OIP5: variants seen among roughly 807,000 people sequenced by gnomAD.
The protein encoded by OIP5 is Opa interacting protein 5, also known as protein Mis18-beta.
Under a neutral mutation model 20.3 loss-of-function variants are expected in OIP5, and 24 were observed. The observed-to-expected ratio is 1.18, with a 90% CI of 0.86 to 1.66. OIP5 has a LOEUF of 1.66. Ranked by LOEUF, OIP5 falls within the 40% of genes most tolerant of loss-of-function variation. The probability of loss-of-function intolerance (pLI) is 0.00; values close to 1 mark genes in which losing one functional copy is unlikely to be tolerated. For synonymous variants in OIP5, 143 were observed against 121.3 expected, an observed-to-expected ratio of 1.18 and a Z score of -1.17; for missense variants, 339 against 289.5, an observed-to-expected ratio of 1.17 and a Z score of -1.24.
At chr15:41,321,280 G>A (rs1341442046) in intron 2 of OIP5, among the ~76,000 whole-genome samples, 6 of 145,630 alleles carry the variant, frequency 4.1e-5, no homozygotes, top group Non-Finnish European at 9.1e-5. Flanking sequence ...CCGGCCAGCC[G>A]TCCCGTCCTG....
chr15:41,315,301 G>A (rs541172068), intron 3 of OIP5, among the ~76,000 whole-genome samples: 20 of 151,342 alleles, frequency 1.3e-4, no homozygotes, highest in African/African-American at 2.2e-4. Context: ...GTGGTGGAGC[G>A]CACCTGTGGT....
chr15:41,318,077 G>A (rs912848813), intron 3 of OIP5, among the ~76,000 whole-genome samples: 6 of 152,174 alleles, frequency 3.9e-5, no homozygotes, highest in Admixed American at 1.3e-4. Flanking sequence ...TAGAGGGAGA[G>A]AGAGGCTGGG....
At chr15:41,310,996 C>T (rs747210060) in intron 4 of OIP5, among the ~76,000 whole-genome samples, 4 of 152,172 alleles carry the variant, frequency 2.6e-5, no homozygotes, top group African/African-American at 7.2e-5. Context: ...AATCTCCATT[C>T]GCCCCTCCCA....
At chr15:41,325,246 T>C (rs538514896) in intron 2 of OIP5, among the ~76,000 whole-genome samples, 13 of 151,326 alleles carry the variant, frequency 8.6e-5, no homozygotes, top group African/African-American at 3.2e-4. Flanking sequence ...CTACTAAAAC[T>C]ACAAAAAAAT....
chr15:41,321,918 A>G (rs1365296566), intron 2 of OIP5, among the ~76,000 whole-genome samples: 1 of 128,196 alleles, frequency 7.8e-6, no homozygotes, highest in African/African-American at 3.6e-5. Context: ...AAGAATGATC[A>G]ATAAAAAAAT....
At chr15:41,315,833 C>G (rs2140459975) in intron 3 of OIP5, among the ~76,000 whole-genome samples, 1 of 152,154 alleles carries the variant, frequency 6.6e-6, no homozygotes, top group African/African-American at 2.4e-5. Flanking sequence ...AAAGTTAATT[C>G]TAAATAGAAA....
At chr15:41,316,020 C>A (rs555630246) in intron 3 of OIP5, among the ~76,000 whole-genome samples, 2 of 151,786 alleles carry the variant, frequency 1.3e-5, no homozygotes, top group African/African-American at 4.8e-5. Flanking sequence ...CCCAGCTACT[C>A]GGGAGGCTGA....
chr15:41,325,615 C>T (rs904096160), intron 2 of OIP5, among the ~76,000 whole-genome samples: 1 of 151,180 alleles, frequency 6.6e-6, no homozygotes, highest in African/African-American at 2.4e-5. Flanking sequence ...CTATGGGAAG[C>T]CAAGGCAGGT....
chr15:41,315,169 C>T (rs576228288), intron 3 of OIP5, among the ~76,000 whole-genome samples: 3 of 151,220 alleles, frequency 2.0e-5, no homozygotes, highest in African/African-American at 4.8e-5. Context: ...GTGGCTTATG[C>T]GTGTAATCCC....
At chr15:41,324,930 T>A (rs937260513) in intron 2 of OIP5, among the ~76,000 whole-genome samples, 1 of 152,078 alleles carries the variant, frequency 6.6e-6, no homozygotes, top group Admixed American at 6.6e-5. Context: ...CATTGTTGGG[T>A]TATTAATTGG....
chr15:41,332,481 C>T lies in OIP5; in HGVS notation c.81G>A (p.Ala27=), dbSNP rs757024698. ...RGDFCGGTER[A]IDQASFTTSM... is the part of the protein sequence containing the mutation. The stretch of plus-strand genomic sequence containing the variant: ...AGGTCGTAAAAGAAGCTTGGTCAAT[C>T]GCCCTCTCAGTGCCACCACAAAAGT... Residue 27 remains alanine (A), a synonymous_variant, in exon 1 of 5, where the codon GCG becomes GCA. Transcript: ENST00000220514. The T allele has an allele frequency of 6.8e-6, 11 of 1,614,094 alleles. No individual in the cohort carries two copies. The highest frequency in any genetic ancestry group is 1.3e-5 in the African/African-American group (1 of 75,064).
At chr15:41,326,656 C>A (rs973111223) in intron 2 of OIP5, among the ~76,000 whole-genome samples, 1 of 152,224 alleles carries the variant, frequency 6.6e-6, no homozygotes, top group Non-Finnish European at 1.5e-5. Context: ...GAACTCCTGA[C>A]CTCAGGTGAT....
intron 2 of OIP5, among the ~76,000 whole-genome samples, chr15:41,328,875 T>G (rs971977365): frequency 6.6e-6 from 1 of 151,816 alleles, no homozygotes; most frequent in African/African-American, 2.4e-5. Flanking sequence ...ATGGCCAACA[T>G]GGTGAAACCC....
rs79685458 is a variant in OIP5 at position 41,327,138 on chromosome 15, G to A, written c.389+4777C>T. 9.8e-3 allele frequency among the ~76,000 whole-genome samples: 1,481 copies of A among 150,842 alleles called. 13 individuals are homozygous for A. Among genetic ancestry groups the A allele is most frequent in the Non-Finnish European group, 0.015 (1,033 of 67,782 alleles). On this transcript the variant is annotated intron_variant, in intron 2 of 4. Coordinates refer to ENST00000220514, the MANE Select transcript of OIP5 (RefSeq NM_007280.2). ...AATTGTCAAAATATTAATAACTGTT[G>A]AAACTGGGTACCTGGGGCTTATTAT...
At chr15:41,324,670 G>A (rs1419256081) in intron 2 of OIP5, among the ~76,000 whole-genome samples, 3 of 152,030 alleles carry the variant, frequency 2.0e-5, no homozygotes, top group African/African-American at 7.2e-5. Flanking sequence ...TGTATTTTTA[G>A]TAGAGATGGG....
chr15:41,324,673 G>A (rs2047850731), intron 2 of OIP5, among the ~76,000 whole-genome samples: 1 of 152,020 alleles, frequency 6.6e-6, no homozygotes, highest in Non-Finnish European at 1.5e-5. Flanking sequence ...ATTTTTAGTA[G>A]AGATGGGGTT....
chr15:41,325,138 G>A (rs765647340), intron 2 of OIP5, among the ~76,000 whole-genome samples: 25 of 152,106 alleles, frequency 1.6e-4, no homozygotes, highest in South Asian at 4.1e-4. Context: ...TTGGCCGGGC[G>A]CAGTGGCTGT....
intron 1 of OIP5, 106 bp from the exon 2 acceptor site, chr15:41,332,087 G>A: frequency 1.5e-6 from 2 of 1,351,542 alleles, no homozygotes; most frequent in Non-Finnish European, 2.1e-6. Flanking sequence ...GAGACTCCCC[G>A]ATTCCCTGCC....
chr15:41,314,309 C>T (rs919156140), intron 3 of OIP5, among the ~76,000 whole-genome samples: 13 of 152,078 alleles, frequency 8.5e-5, no homozygotes, highest in East Asian at 1.9e-4. Flanking sequence ...ACCATGTTGG[C>T]GAGGCTGGTC....
Sources: gnomAD v4.1 joint callset for allele counts (sites outside exome capture counted in the v4.1 genomes callset) on GRCh38, gnomAD v4.1.1 for gene constraint, MANE v1.5 for transcripts, NCBI Gene and HGNC (gene_info 2026-07-23, HGNC 2026-07-21) for gene names.